GRB10: variants seen among roughly 807,000 people sequenced by gnomAD.
The protein encoded by GRB10 is growth factor receptor-bound protein 10.
In GRB10, 20 loss-of-function variants were observed where a neutral mutation model predicts 80.9. That is an observed-to-expected ratio of 0.25 (90% CI 0.17 to 0.36). The LOEUF is 0.36. GRB10 is among the 10% of genes least tolerant of loss of function. The pLI, the probability that GRB10 is intolerant of heterozygous loss-of-function variation, is 1.00. For synonymous variants in GRB10, 291 were observed against 291.5 expected (o/e 1.00, Z 0.02); for missense variants, 548 against 747.7 (o/e 0.73, Z 3.12).
intron 3 of GRB10, among the ~76,000 whole-genome samples, chr7:50,753,842 T>C (rs1304867842): frequency 1.3e-5 from 2 of 152,368 alleles, no homozygotes; most frequent in East Asian, 1.9e-4. Context: ...TTGAATTATA[T>C]GACCAGTAAG....
intron 5 of GRB10, among the ~76,000 whole-genome samples, chr7:50,688,189 C>T (rs1028231110): frequency 6.6e-6 from 1 of 152,212 alleles, no homozygotes; most frequent in Non-Finnish European, 1.5e-5. Context: ...ATGAGTAAAA[C>T]TTGATTCCTC....
At chr7:50,722,665 T>TA (rs142670579) in intron 4 of GRB10, among the ~76,000 whole-genome samples, 3,824 of 151,996 alleles carry the variant, frequency 0.025, 72 homozygotes, top group Non-Finnish European at 0.038. Context: ...GGGGATGGAC[T>TA]ATGGGGGAGA....
chr7:50,623,203 A>T (rs1383049238), intron 8 of GRB10, among the ~76,000 whole-genome samples: 1 of 152,170 alleles, frequency 6.6e-6, no homozygotes, highest in Non-Finnish European at 1.5e-5. Flanking sequence ...TTTCATGGCT[A>T]AGAACTCCAC....
chr7:50,626,231 T>A (rs1466946266), intron 8 of GRB10, among the ~76,000 whole-genome samples: 1 of 152,242 alleles, frequency 6.6e-6, no homozygotes, highest in African/African-American at 2.4e-5. Flanking sequence ...AGGCATGACA[T>A]GGGCACACAC....
rs1404281071 is a variant in GRB10, at chr7:50,643,433, C to T, written c.505-16455G>A. 1.3e-5 allele frequency among the ~76,000 whole-genome samples: 2 copies of T among 152,142 alleles called. 1 individual carries two copies. Among genetic ancestry groups the T allele is most frequent in the Non-Finnish European group, 2.9e-5 (2 of 68,020 alleles). Reference sequence around the variant, plus strand: ...AACCAAAATGGCCCTTCAAGAAATCCCATCCGTCACGACAGGTGTGAAAAG... The same window carrying T: ...AACCAAAATGGCCCTTCAAGAAATCTCATCCGTCACGACAGGTGTGAAAAG... On this transcript the variant is annotated intron_variant, in intron 7 of 18. Coordinates refer to ENST00000401949, the MANE Select transcript of GRB10 (RefSeq NM_001350814.2).
Position 50,619,275 on chromosome 7 carries a change from C to T in GRB10, c.672G>A (p.Leu224=). The change falls in exon 9 of 19, where the codon TTG becomes TTA. Residue 224 remains leucine, a synonymous_variant. Coordinates refer to ENST00000401949, the MANE Select transcript of GRB10 (RefSeq NM_001350814.2). ...HHPHLGLERC[L]EDHELVVQVE... The stretch of plus-strand genomic sequence containing the variant: ...CCTGGACCACCAGCTCATGGTCTTC[C>T]AAGCACCTCTCTGCAGGGGCAAAGC... 6.2e-7 allele frequency: 1 copy of T among 1,606,462 alleles called. No individual in the cohort carries two copies. The highest frequency in any genetic ancestry group is 1.1e-5 in the South Asian group (1 of 90,932).
intron 4 of GRB10, among the ~76,000 whole-genome samples, chr7:50,728,704 T>C (rs183982452): frequency 6.6e-6 from 1 of 152,324 alleles, no homozygotes; most frequent in African/African-American, 2.4e-5. Flanking sequence ...CGGGTCTTGC[T>C]CTGTCGCCCA....
chr7:50,625,876 G>C (rs750944668), intron 8 of GRB10, among the ~76,000 whole-genome samples: 2 of 152,196 alleles, frequency 1.3e-5, no homozygotes, highest in African/African-American at 4.8e-5. Flanking sequence ...TCCAGACCTA[G>C]AGGTTTAAAT....
intron 6 of GRB10, among the ~76,000 whole-genome samples, chr7:50,672,217 C>G (rs2060438194): frequency 6.6e-6 from 1 of 152,194 alleles, no homozygotes; most frequent in African/African-American, 2.4e-5. Flanking sequence ...TCCTCTGCAG[C>G]GTGGACCATG....
At chr7:50,722,592 T>C (rs1253115981) in intron 4 of GRB10, among the ~76,000 whole-genome samples, 1 of 151,636 alleles carries the variant, frequency 6.6e-6, no homozygotes, top group African/African-American at 2.4e-5. Flanking sequence ...GAGTCCAGGG[T>C]GAAGAGGTGA....
chr7:50,593,345 C>T (rs1228692148), intron 18 of GRB10, among the ~76,000 whole-genome samples: 1 of 152,142 alleles, frequency 6.6e-6, no homozygotes, highest in Non-Finnish European at 1.5e-5. Flanking sequence ...ACAGCTAGCT[C>T]CCCTGCTCCC....
chr7:50,725,112 G>A (rs948400647), intron 4 of GRB10, among the ~76,000 whole-genome samples: 6 of 152,122 alleles, frequency 3.9e-5, no homozygotes, highest in Non-Finnish European at 7.4e-5. Flanking sequence ...GTTTGCATTT[G>A]TATCCCCGCC....
At position 50,782,418 on chromosome 7, in the gene GRB10, G is replaced by T; in HGVS notation, c.-327+6C>A. On this transcript the variant is annotated splice_donor_region_variant and intron_variant, in intron 1 of 18. Transcript: ENST00000401949. The surrounding 1 kb of genome is among the most constrained non-coding windows in gnomAD (Gnocchi z 6.6). ...CCAGCGCCCGCGGCGGAGCCCACCTGAGTACCTGGAGAGCGGGCGGCAGCA... is the reference window on the plus strand; with the variant it reads ...CCAGCGCCCGCGGCGGAGCCCACCTTAGTACCTGGAGAGCGGGCGGCAGCA... The T allele has an allele frequency of 6.7e-6, 1 of 148,634 alleles. No individual in the cohort carries two copies. Among genetic ancestry groups the T allele is most frequent in the South Asian group, 2.0e-4 (1 of 4,944 alleles). 9.2% of individuals were successfully genotyped at this position (148,634 alleles called of 1,614,324 possible).
intron 4 of GRB10, among the ~76,000 whole-genome samples, chr7:50,718,248 G>C (rs1462937938): frequency 6.6e-6 from 1 of 152,168 alleles, no homozygotes; most frequent in Non-Finnish European, 1.5e-5. Context: ...GGCCAGTTTG[G>C]GGAATGGGAA....
chr7:50,629,666 T>A (rs906895331), intron 7 of GRB10, among the ~76,000 whole-genome samples: 2 of 152,190 alleles, frequency 1.3e-5, no homozygotes, highest in African/African-American at 4.8e-5. Context: ...CTGATGAGAA[T>A]GTTTGTAAGG....
chr7:50,685,999 G>A (rs1396569731), intron 5 of GRB10, among the ~76,000 whole-genome samples: 3 of 152,124 alleles, frequency 2.0e-5, no homozygotes, highest in Admixed American at 2.0e-4. Context: ...GAACTTCTGG[G>A]GTGGGAAAAC....
intron 17 of GRB10, 143 bp downstream of exon 17, chr7:50,603,855 C>G (rs968931018): frequency 1.2e-6 from 1 of 809,900 alleles, no homozygotes; most frequent in Non-Finnish European, 2.2e-6. Context: ...CCACTTATAC[C>G]TCTAGCCTAC....
intron 1 of GRB10, chr7:50,781,551 C>A: frequency 6.6e-6 from 1 of 152,360 alleles, no homozygotes. Flanking sequence ...GAAAGACACC[C>A]ACGCTTCCCC....
At chr7:50,737,282 T>C (rs2070957739) in intron 3 of GRB10, among the ~76,000 whole-genome samples, 1 of 152,194 alleles carries the variant, frequency 6.6e-6, no homozygotes, top group South Asian at 2.1e-4. Context: ...TCTAACGGCG[T>C]AACACCATCC....
Sources: allele counts gnomAD v4.1 joint callset (sites outside exome capture counted in the v4.1 genomes callset), GRCh38; gene constraint gnomAD v4.1.1; non-coding constraint Gnocchi (gnomAD v3.1); transcripts MANE v1.5; gene names NCBI Gene and HGNC (gene_info 2026-07-23, HGNC 2026-07-21).